AAGAB: variants seen among roughly 807,000 people sequenced by gnomAD.
AAGAB encodes the protein alpha and gamma adaptin binding protein, also known as alpha- and gamma-adaptin-binding protein p34.
A neutral mutation model predicts 44.1 loss-of-function variants in AAGAB; 38 were observed. That is an observed-to-expected ratio of 0.86 (90% CI 0.67 to 1.13). The LOEUF (loss-of-function observed/expected upper bound fraction) is 1.13. Among genes scored for constraint, AAGAB ranks in the 50% most tolerant of loss-of-function variants. The pLI is 0.00. For missense variants in AAGAB, 450 were observed against 373.8 expected (o/e 1.20, Z -1.68); for synonymous variants, 131 against 131.8 (o/e 0.99, Z 0.04).
chr15:67,204,427 G>C (rs1040733544), intron 7 of AAGAB, among the ~76,000 whole-genome samples: 3 of 152,156 alleles, frequency 2.0e-5, no homozygotes, highest in African/African-American at 7.2e-5. Context: ...GACTTGCCGA[G>C]GTGACAGCTA....
At chr15:67,215,840 A>C (rs1303074723) in intron 5 of AAGAB, among the ~76,000 whole-genome samples, 1 of 152,216 alleles carries the variant, frequency 6.6e-6, no homozygotes, top group Non-Finnish European at 1.5e-5. Context: ...AATTACGAGA[A>C]TCAATTTATT....
In AAGAB at chr15:67,236,758, G is replaced by A. The variant is rs1241077898; in HGVS notation, c.136C>T (p.Pro46Ser). Residue 46 changes from proline to serine, a missense_variant, in exon 2 of 10, where the codon CCC becomes TCC. Transcript: ENST00000261880. ...VTSNDAVRFY[P>S]WTIDNKYYSA... ...TAGTATTTATTATCAATGGTCCAGGGATAAAATCTCACAGCATCATTGGAA... is the reference window on the plus strand; with the variant it reads ...TAGTATTTATTATCAATGGTCCAGGAATAAAATCTCACAGCATCATTGGAA... 1.2e-6 allele frequency: 2 copies of A among 1,612,718 alleles called. No individual in the cohort carries two copies. The highest frequency in any genetic ancestry group is 1.3e-5 in the African/African-American group (1 of 74,882).
chr15:67,219,040 T>C (rs1964011664), intron 5 of AAGAB, among the ~76,000 whole-genome samples: 1 of 152,188 alleles, frequency 6.6e-6, no homozygotes, highest in Admixed American at 6.5e-5. Context: ...GCGGAAACTG[T>C]GACTTCCCTA....
intron 5 of AAGAB, among the ~76,000 whole-genome samples, chr15:67,218,649 C>T (rs909682649): frequency 2.6e-5 from 4 of 152,120 alleles, no homozygotes; most frequent in African/African-American, 9.7e-5. Flanking sequence ...TCACTGGAGA[C>T]CAAAGAGGAG....
intron 7 of AAGAB, among the ~76,000 whole-genome samples, chr15:67,204,586 A>C (rs984368119): frequency 6.6e-6 from 1 of 152,206 alleles, no homozygotes; most frequent in Non-Finnish European, 1.5e-5. Context: ...CCACTATAAA[A>C]GGTGATTAGA....
intron 5 of AAGAB, among the ~76,000 whole-genome samples, chr15:67,215,376 C>T (rs11856485): frequency 0.072 from 11,027 of 152,254 alleles, 542 homozygotes; most frequent in East Asian, 0.19. Context: ...TTTTATTTTA[C>T]ATTTTTATAT....
intron 1 of AAGAB, among the ~76,000 whole-genome samples, chr15:67,241,294 T>C (rs1486471658): frequency 6.6e-6 from 1 of 152,172 alleles, no homozygotes; most frequent in East Asian, 1.9e-4. Context: ...TGTCCAGTGG[T>C]TAAATCATAT....
At chr15:67,218,838 C>T (rs1049417994) in intron 5 of AAGAB, among the ~76,000 whole-genome samples, 4 of 152,168 alleles carry the variant, frequency 2.6e-5, no homozygotes, top group Non-Finnish European at 4.4e-5. Context: ...CTCAACTAAG[C>T]AGCTGAGGTT....
intron 1 of AAGAB, among the ~76,000 whole-genome samples, chr15:67,254,031 G>A (rs1382699702): frequency 6.6e-6 from 1 of 152,224 alleles, no homozygotes; most frequent in East Asian, 1.9e-4. Flanking sequence ...TGTTGGCGGA[G>A]AGCCCATGCC....
chr15:67,209,422 A>C (rs1462843139), intron 6 of AAGAB, 40 bp downstream of exon 6: 1 of 1,486,640 alleles, frequency 6.7e-7, no homozygotes, highest in East Asian at 2.3e-5. Flanking sequence ...AGGAGAAATT[A>C]AAGCCAAAGA....
intron 1 of AAGAB, among the ~76,000 whole-genome samples, chr15:67,249,833 T>C (rs897106760): frequency 7.2e-5 from 11 of 152,224 alleles, no homozygotes; most frequent in African/African-American, 2.4e-4. Context: ...AAAGCACAGT[T>C]TCTTCATCTG....
chr15:67,245,684 G>C (rs1964704810), intron 1 of AAGAB, among the ~76,000 whole-genome samples: 2 of 152,194 alleles, frequency 1.3e-5, no homozygotes, highest in Non-Finnish European at 2.9e-5. Context: ...TAATAAGGTA[G>C]GTGAGTGAGA....
chr15:67,204,856 C>G (rs1392970724), intron 7 of AAGAB, among the ~76,000 whole-genome samples: 1 of 152,220 alleles, frequency 6.6e-6, no homozygotes, highest in Non-Finnish European at 1.5e-5. Context: ...TTTCACAGGT[C>G]TCCTTCCTTA....
upstream of AAGAB, chr15:67,254,941 A>G: frequency 6.2e-7 from 1 of 1,613,530 alleles, no homozygotes; most frequent in Non-Finnish European, 8.5e-7. Context: ...GATCCATCTT[A>G]ATCCAGGTGG....
At chr15:67,208,350 T>G (rs539371258) in intron 7 of AAGAB, among the ~76,000 whole-genome samples, 7 of 152,334 alleles carry the variant, frequency 4.6e-5, no homozygotes, top group Non-Finnish European at 8.8e-5. Context: ...CTAGGAGAAT[T>G]AAAGAGAAAA....
In AAGAB at chr15:67,236,402, C is replaced by T. The variant is rs758889595; in HGVS notation, c.361+6G>A. The T allele has an allele frequency of 1.2e-6, 2 of 1,613,144 alleles. No individual in the cohort carries two copies. The highest frequency in any genetic ancestry group is 1.7e-6 in the Non-Finnish European group (2 of 1,179,302). ...TACCAACTACTGTCCCATCCACAGG[C>T]CTTACCATCTTCAGACACTCTATCG... On this transcript the variant is annotated splice_donor_region_variant and intron_variant, in intron 3 of 9. Transcript: ENST00000261880.
chr15:67,254,419 G>T, intron 1 of AAGAB, 140 bp downstream of exon 1: 1 of 1,440,658 alleles, frequency 6.9e-7, no homozygotes, highest in Non-Finnish European at 9.1e-7. Flanking sequence ...GCCACCTGGG[G>T]AGACTGGGCG....
In AAGAB at chr15:67,209,482, C is replaced by T; in HGVS notation, c.598G>A (p.Ala200Thr). ...TTTACCTCTGGGTGACAGGGATCTG[C>T]TGACCCAATGCTATGGTTTGTTCCA... ...LTGTNHSIGSADPCHPEQPHL... is the reference protein window; with the variant it reads ...LTGTNHSIGSTDPCHPEQPHL... The change falls in exon 6 of 10, where the codon GCA becomes ACA. Residue 200 changes from alanine to threonine, a missense_variant. Physicochemically the swap from Ala to Thr is moderately conservative, Grantham distance 58 (BLOSUM62 0). Transcript: ENST00000261880. 6.2e-7 allele frequency: 1 copy of T among 1,614,124 alleles called. No individual in the cohort carries two copies. The highest frequency in any genetic ancestry group is 8.5e-7 in the Non-Finnish European group (1 of 1,179,972).
rs895673292 is a variant in AAGAB at position 67,236,391 on chromosome 15, C to T, written c.361+17G>A. 6.2e-7 allele frequency: 1 copy of T among 1,608,230 alleles called. No homozygotes were observed. The highest frequency in any genetic ancestry group is 1.3e-5 in the African/African-American group (1 of 74,774). ...GCAAATGCATGTACCAACTACTGTC[C>T]CATCCACAGGCCTTACCATCTTCAG... On this transcript the variant is annotated intron_variant, in intron 3 of 9. Coordinates refer to ENST00000261880, the MANE Select transcript of AAGAB (RefSeq NM_024666.5).
Sources: gnomAD v4.1 joint callset for allele counts (sites outside exome capture counted in the v4.1 genomes callset) on GRCh38, gnomAD v4.1.1 for gene constraint, MANE v1.5 for transcripts, NCBI Gene and HGNC (gene_info 2026-07-23, HGNC 2026-07-21) for gene names.